Variants in RGL4 observed in about 807,000 individuals in gnomAD.
RGL4 encodes the protein ral-GDS-related protein.
In RGL4, 41 loss-of-function variants were observed where a neutral mutation model predicts 49.6. That is an observed-to-expected ratio of 0.83 (90% CI 0.64 to 1.07). The LOEUF is 1.07. Ranked by LOEUF, RGL4 falls within the 50% of genes least tolerant of loss-of-function variation. RGL4 has a pLI of 0.00. For missense variants in RGL4, 610 were observed against 591.9 expected (o/e 1.03, Z -0.32); for synonymous variants, 255 against 238.0 (o/e 1.07, Z -0.66).
intron 9 of RGL4, 84 bp from the exon 10 acceptor site, chr22:23,698,128 G>T: frequency 6.5e-7 from 1 of 1,544,600 alleles, no homozygotes; most frequent in South Asian, 1.2e-5. Context: ...CTGCCCCAGG[G>T]ACCAGCCCCT....
rs770866541 is a variant in RGL4, at chr22:23,692,494, G to A, written c.339G>A (p.Leu113=). The A allele has an allele frequency of 6.2e-7, 1 of 1,614,144 alleles. No individual in the cohort carries two copies. The highest frequency in any genetic ancestry group is 8.5e-7 in the Non-Finnish European group (1 of 1,179,996). ...EDHQEIVLGQ[L]VLPEPNEAKP... ...ATCAGGAAATTGTCCTAGGCCAGTT[G>A]GTGCTTCCGGAGCCCAACGAGGCCA... The change falls in exon 2 of 11, where the codon TTG becomes TTA. Residue 113 remains leucine, a synonymous_variant. Coordinates refer to ENST00000290691, the MANE Select transcript of RGL4 (RefSeq NM_153615.2).
Position 23,694,331 on chromosome 22 carries a change from A to T in RGL4, c.913-16A>T. ...GCTCCAACTCTGAACCGCACAGCTC[A>T]TTCTTCCCTCTCCAGGAGTGCCTAA... On this transcript the variant is annotated splice_polypyrimidine_tract_variant and intron_variant, in intron 4 of 10. Transcript: ENST00000290691. The T allele has an allele frequency of 1.3e-6, 2 of 1,595,750 alleles. No homozygotes were observed. Among genetic ancestry groups the T allele is most frequent in the Non-Finnish European group, 8.6e-7 (1 of 1,163,350 alleles).
chr22:23,697,343 CCTCCT>C (rs930164546), intron 8 of RGL4, 98 bp downstream of exon 8: 3 of 928,402 alleles, frequency 3.2e-6, no homozygotes, highest in African/African-American at 3.3e-5. Context: ...CCTTGGCAAA[CCTCCT>C]CTCCTAAGAG....
chr22:23,697,160 C>A lies in RGL4; in HGVS notation c.1162-11C>A. On this transcript the variant is annotated splice_polypyrimidine_tract_variant and intron_variant, in intron 7 of 10. Coordinates refer to ENST00000290691, the MANE Select transcript of RGL4 (RefSeq NM_153615.2). Reference sequence around the variant, plus strand: ...CTACCCCTCCCACCTCCCCACCCCTCCTTGGCACAGGGTGTGGTCCCCTTC... The same window carrying A: ...CTACCCCTCCCACCTCCCCACCCCTACTTGGCACAGGGTGTGGTCCCCTTC... 6.2e-7 allele frequency: 1 copy of A among 1,606,658 alleles called. No individual in the cohort carries two copies. The highest frequency in any genetic ancestry group is 2.2e-5 in the East Asian group (1 of 44,790).
In RGL4 at chr22:23,691,279, G is replaced by C. The variant is rs5751713; in HGVS notation, c.-752G>C. ...AAAAACACATAGAAACCAAGTCTGC[G>C]ATGGCACTGGTAAAGGATGTCTGAG... On this transcript the variant is annotated 5_prime_UTR_variant, in exon 1 of 11. Coordinates refer to ENST00000290691, the MANE Select transcript of RGL4 (RefSeq NM_153615.2). 6.6e-6 allele frequency: 1 copy of C among 152,096 alleles called. No homozygotes were observed. Among genetic ancestry groups the C allele is most frequent in the Non-Finnish European group, 1.5e-5 (1 of 68,046 alleles). 9.4% of individuals were successfully genotyped at this position (152,096 alleles called of 1,614,324 possible). A position where few individuals can be genotyped will look rare whatever the true frequency, so the allele number is the denominator to read the frequency against.
rs766471580 is a variant in RGL4 at position 23,693,923 on chromosome 22, G to C, written c.861G>C (p.Met287Ile). The change falls in exon 4 of 11, where the codon ATG (methionine) becomes ATC (isoleucine). Residue 287 changes from methionine (M) to isoleucine (I), a missense_variant. Met to Ile is a conservative substitution (Grantham distance 10). Transcript: ENST00000290691. ...ITTSCLGDHS[M>I]RARDRARVVE... ...CCTCCTGCCTCGGGGACCACAGCAT[G>C]AGGGCCCGGGACAGGGCCAGGGTGG... 6.2e-7 allele frequency: 1 copy of C among 1,613,898 alleles called. No individual in the cohort carries two copies. Among genetic ancestry groups the C allele is most frequent in the Non-Finnish European group, 8.5e-7 (1 of 1,180,038 alleles).
Position 23,694,400 on chromosome 22 carries a change from G to C in RGL4, c.966G>C (p.Leu322=), listed in dbSNP as rs1923350138. Residue 322 remains leucine (L), a synonymous_variant, in exon 5 of 11, where the codon CTG becomes CTC. Transcript: ENST00000290691. ...FSSVHVIVSA[L]CSNPIGQLHK... ...CGGTGCACGTCATCGTCTCTGCTCT[G>C]TGCAGCAACCCAATAGGTCAGCTAC... The C allele has an allele frequency of 6.2e-7, 1 of 1,613,956 alleles. No homozygotes were observed. Among genetic ancestry groups the C allele is most frequent in the African/African-American group, 1.3e-5 (1 of 74,916 alleles).
At chr22:23,694,647 C>T in intron 5 of RGL4, 197 bp downstream of exon 5, 3 of 602,826 alleles carry the variant, frequency 5.0e-6, no homozygotes, top group Non-Finnish European at 8.9e-6. Flanking sequence ...GGTTTTTTAA[C>T]CATCAGGAAC....
chr22:23,696,472 G>T, intron 6 of RGL4, 142 bp from the exon 7 acceptor site: 3 of 1,550,848 alleles, frequency 1.9e-6, no homozygotes, highest in African/African-American at 1.4e-5. Context: ...GACACACACA[G>T]GGAGTGTGGA....
chr22:23,696,408 C>T (rs1172798527), intron 6 of RGL4: 1 of 1,517,960 alleles, frequency 6.6e-7, no homozygotes, highest in South Asian at 1.2e-5. Flanking sequence ...TGGTTTGCAT[C>T]ACTCTTTACA....
At position 23,696,457 on chromosome 22, in the gene RGL4, T is replaced by C. The variant is rs747844506; in HGVS notation, c.1087-157T>C. 52 of 1,543,990 alleles carry C rather than the reference T, an allele frequency of 3.4e-5. No individual in the cohort carries two copies. In the South Asian group the frequency reaches 5.4e-4, roughly 16 times the overall value. On this transcript the variant is annotated intron_variant, in intron 6 of 10. Transcript: ENST00000290691. ...TCTCAGGGAGGCCCGGCTGCAAGAC[T>C]GGGTGACACACACAGGGAGTGTGGA...
chr22:23,698,457 C>T, intron 10 of RGL4, 124 bp downstream of exon 10: 1 of 1,180,244 alleles, frequency 8.5e-7, no homozygotes. Flanking sequence ...GCAACGTCTG[C>T]CTTCTGGGCT....
chr22:23,698,457 C>A, intron 10 of RGL4, 124 bp downstream of exon 10: 2 of 1,180,242 alleles, frequency 1.7e-6, no homozygotes, highest in Non-Finnish European at 2.5e-6. Flanking sequence ...GCAACGTCTG[C>A]CTTCTGGGCT....
Position 23,698,929 on chromosome 22 carries a change from C to T in RGL4, c.*46C>T. On this transcript the variant is annotated 3_prime_UTR_variant, in exon 11 of 11. Transcript: ENST00000290691. ...GCTGGGAACCCACCGGGATGCTGGC[C>T]AGAACACCGGCTCTGCACCATCCCT... 6.2e-7 allele frequency: 1 copy of T among 1,603,658 alleles called. No individual in the cohort carries two copies. The highest frequency in any genetic ancestry group is 8.5e-7 in the Non-Finnish European group (1 of 1,175,160).
chr22:23,698,141 TC>T, intron 9 of RGL4, 70 bp from the exon 10 acceptor site: 1 of 1,562,676 alleles, frequency 6.4e-7, no homozygotes, highest in South Asian at 1.2e-5. Context: ...CAGCCCCTTC[TC>T]CCTGCCTGCC....
In RGL4 at chr22:23,697,962, C is replaced by T. The variant is rs555647892; in HGVS notation, c.1260+101C>T. ...CTGGCTCCATCCTCTACATCTTAGG[C>T]TTACTGGGAGTGTTTGACACACACA... On this transcript the variant is annotated intron_variant, in intron 9 of 10. Coordinates refer to ENST00000290691, the MANE Select transcript of RGL4 (RefSeq NM_153615.2). The T allele has an allele frequency of 5.0e-6, 7 of 1,408,996 alleles. No homozygotes were observed. In the African/African-American group the frequency reaches 7.0e-5, roughly 14 times the overall value. The allele number at this position is 1,408,996 out of a possible 1,614,324, so 87.3% of individuals were successfully genotyped here.
chr22:23,694,520 C>T (rs1601286853), intron 5 of RGL4, 70 bp downstream of exon 5: 1 of 1,057,888 alleles, frequency 9.5e-7, no homozygotes, highest in East Asian at 2.5e-5. Flanking sequence ...CCCATGTGCC[C>T]TCAATGACTC....
At position 23,692,120 on chromosome 22, in the gene RGL4, T is replaced by C. The variant is rs754127113; in HGVS notation, c.90T>C (p.Asn30=). The part of the protein sequence containing the change: ...SAVLQGLWEE[N]VCGTPGRTRV... ...TGCTCCAGGGCCTTTGGGAAGAGAA[T>C]GTCTGTGGGACGCCAGGGCGCACGA... Residue 30 remains asparagine, a synonymous_variant, in exon 1 of 11, where the codon AAT becomes AAC. Coordinates refer to ENST00000290691, the MANE Select transcript of RGL4 (RefSeq NM_153615.2). The C allele has an allele frequency of 5.0e-6, 8 of 1,614,148 alleles. No homozygotes were observed. Among genetic ancestry groups the C allele is most frequent in the East Asian group, 4.5e-5 (2 of 44,882 alleles).
intron 6 of RGL4, chr22:23,695,320 G>T: frequency 2.2e-6 from 1 of 451,138 alleles, no homozygotes; most frequent in Non-Finnish European, 4.2e-6. Flanking sequence ...CAGGGCTCTG[G>T]CTCCCATGCT....
Sources: gnomAD v4.1 joint callset for allele counts on GRCh38, gnomAD v4.1.1 for gene constraint, MANE v1.5 for transcripts, NCBI Gene and HGNC (gene_info 2026-07-23, HGNC 2026-07-21) for gene names.